The following MBP variants were observed in gnomAD, a reference collection of about 807,000 sequenced individuals.
MBP encodes Golli-MBP.
A neutral mutation model predicts 35.8 loss-of-function variants in MBP; 16 were observed. The observed-to-expected ratio is 0.45, with a 90% CI of 0.30 to 0.68. The LOEUF is 0.68. Among genes scored for constraint, MBP ranks in the 30% least tolerant of loss-of-function variants. The probability of loss-of-function intolerance (pLI) is 0.08; values close to 1 mark genes in which losing one functional copy is unlikely to be tolerated. For missense variants in MBP, 380 were observed against 404.7 expected (o/e 0.94, Z 0.52); for synonymous variants, 143 against 159.6 (o/e 0.90, Z 0.78).
rs192244149 is a variant in MBP at position 77,044,975 on chromosome 18, G to A, written c.139+21323C>T. On this transcript the variant is annotated intron_variant, in intron 3 of 8. Transcript: ENST00000355994. The surrounding 1 kb of genome is among the most constrained non-coding windows in gnomAD (Gnocchi z 4.4). ...TGTGTAAGTGTGGTGTGTGAGTGTG[G>A]AGTGTGTGAGTGTTCAAGATTCCCT... Among the ~76,000 whole-genome samples, 1 of 151,062 alleles carries A rather than the reference G, an allele frequency of 6.6e-6. No homozygotes were observed. The highest frequency in any genetic ancestry group is 2.4e-5 in the African/African-American group (1 of 41,008).
rs139226698 is a variant in MBP, at chr18:77,049,594, G to A, written c.139+16704C>T. Among the ~76,000 whole-genome samples, 375 of 152,100 alleles carry A rather than the reference G, an allele frequency of 2.5e-3. 1 individual carries two copies. Among genetic ancestry groups the A allele is most frequent in the African/African-American group, 7.4e-3 (305 of 41,488 alleles). ...GTAAGGGTCATTACATAATTCTGTC[G>A]TTCTAGATCATTCCTTTTGGTCACA... On this transcript the variant is annotated intron_variant, in intron 3 of 8. Coordinates refer to ENST00000355994, the MANE Select transcript of MBP (RefSeq NM_001025101.2).
intron 3 of MBP, among the ~76,000 whole-genome samples, chr18:77,030,130 G>A (rs1413106333): frequency 6.7e-6 from 1 of 148,210 alleles, no homozygotes; most frequent in Non-Finnish European, 1.5e-5. Flanking sequence ...CTCAGGCAAT[G>A]GTTAGGAGGC....
At chr18:76,996,561 T>C (rs1970281093) in intron 4 of MBP, among the ~76,000 whole-genome samples, 1 of 152,188 alleles carries the variant, frequency 6.6e-6, no homozygotes, top group African/African-American at 2.4e-5. Context: ...AAACTCTTGT[T>C]ACAGGCAACA....
intron 4 of MBP, chr18:77,009,983 C>A: frequency 8.2e-7 from 1 of 1,220,560 alleles, no homozygotes; most frequent in Non-Finnish European, 1.2e-6. Context: ...CCGGCAATGC[C>A]CCAAAGTCCT....
rs770334291 is a variant in MBP at position 76,989,301 on chromosome 18, C to T, written c.682-389G>A. ...CAAGGGGATGTCCCCAGGTCTGCAGCTCCTAAGTGCACTTATCGAATACGA... is the reference window on the plus strand; with the variant it reads ...CAAGGGGATGTCCCCAGGTCTGCAGTTCCTAAGTGCACTTATCGAATACGA... On this transcript the variant is annotated intron_variant, in intron 5 of 8. Transcript: ENST00000355994. This position sits in a 1 kb window ranked among gnomAD's most constrained non-coding sequence, Gnocchi z 4.0. 6.6e-6 allele frequency among the ~76,000 whole-genome samples: 1 copy of T among 152,208 alleles called. No individual in the cohort carries two copies. The highest frequency in any genetic ancestry group is 1.5e-5 in the Non-Finnish European group (1 of 68,042).
In MBP at chr18:77,067,407, G is replaced by A. The variant is rs8083865; in HGVS notation, c.52-1022C>T. Among the ~76,000 whole-genome samples the A allele has an allele frequency of 5.9e-3, 900 of 152,302 alleles. 8 individuals are homozygous for A. The highest frequency in any genetic ancestry group is 0.02 in the African/African-American group (844 of 41,570). On this transcript the variant is annotated intron_variant, in intron 2 of 8. Coordinates refer to ENST00000355994, the MANE Select transcript of MBP (RefSeq NM_001025101.2). ...AGAGGGATCCTGGAGGTGACGTCAT[G>A]TCGGCACGCACAGACTGCTTGCACA... is the stretch of plus-strand genomic sequence containing the variant.
chr18:76,986,481 G>A, intron 7 of MBP: 1 of 985,518 alleles, frequency 1.0e-6, no homozygotes, highest in Non-Finnish European at 1.2e-6. Flanking sequence ...CAAGCTACTT[G>A]CACAGTTTTC....
intron 2 of MBP, chr18:77,087,218 C>G (rs1975276328): frequency 1.3e-5 from 2 of 152,268 alleles, no homozygotes; most frequent in Non-Finnish European, 2.9e-5. Context: ...CGCCCCACCC[C>G]TCTGCCCTGC....
At chr18:77,016,809 C>T (rs1316796567) in intron 4 of MBP, 23 bp downstream of exon 4, 1 of 1,610,896 alleles carries the variant, frequency 6.2e-7, no homozygotes, top group Non-Finnish European at 8.5e-7. Context: ...TAAACTAAAA[C>T]TCCTCTACTC....
intron 4 of MBP, among the ~76,000 whole-genome samples, chr18:76,992,059 G>A (rs1297813535): frequency 5.9e-5 from 9 of 152,288 alleles, no homozygotes; most frequent in South Asian, 2.1e-4. Flanking sequence ...CCCAGACGGG[G>A]GTCTCCACAC....
At chr18:77,070,918 C>T (rs1414166451) in intron 2 of MBP, among the ~76,000 whole-genome samples, 2 of 152,208 alleles carry the variant, frequency 1.3e-5, no homozygotes, top group Non-Finnish European at 2.9e-5. Flanking sequence ...CTTGTTCCCG[C>T]GTAGCTGGAG....
chr18:77,074,266 C>T (rs1272867800), intron 2 of MBP, among the ~76,000 whole-genome samples: 1 of 151,462 alleles, frequency 6.6e-6, no homozygotes, highest in East Asian at 1.9e-4. Context: ...GGTCAGAAGA[C>T]AATGGGTTCA....
chr18:77,004,662 T>C (rs1970822714), intron 4 of MBP: 1 of 152,254 alleles, frequency 6.6e-6, no homozygotes, highest in African/African-American at 2.4e-5. Flanking sequence ...CCTCAGCTCC[T>C]TGCAGAGGAT....
chr18:77,074,912 A>G (rs1974593069), intron 2 of MBP, among the ~76,000 whole-genome samples: 1 of 152,214 alleles, frequency 6.6e-6, no homozygotes, highest in Non-Finnish European at 1.5e-5. Flanking sequence ...TACAGACAAA[A>G]GTTTTAATTT....
At chr18:77,035,046 T>C (rs140050947) in intron 3 of MBP, among the ~76,000 whole-genome samples, 1 of 152,234 alleles carries the variant, frequency 6.6e-6, no homozygotes, top group Non-Finnish European at 1.5e-5. Context: ...GGATGCAGCA[T>C]GCCCCAAGTT....
chr18:77,066,073 G>A, intron 3 of MBP: 2 of 491,484 alleles, frequency 4.1e-6, no homozygotes, highest in South Asian at 3.7e-5. Flanking sequence ...GTGTTGCCCG[G>A]GCTGGTCTTG....
intron 2 of MBP, among the ~76,000 whole-genome samples, chr18:77,080,217 A>G (rs947885005): frequency 2.6e-5 from 4 of 152,272 alleles, no homozygotes; most frequent in Non-Finnish European, 5.9e-5. Context: ...AAAAGATGCT[A>G]GTAAAACACG....
intron 1 of MBP, chr18:77,109,943 T>C (rs1201404407): frequency 6.6e-6 from 1 of 152,238 alleles, no homozygotes; most frequent in African/African-American, 2.4e-5. Flanking sequence ...CACAGTTTTT[T>C]TTTGAGTCCA....
At chr18:77,037,834 A>G (rs1055320838) in intron 3 of MBP, among the ~76,000 whole-genome samples, 1 of 152,242 alleles carries the variant, frequency 6.6e-6, no homozygotes, top group African/African-American at 2.4e-5. Context: ...ACATGCAGAA[A>G]GCAGGCGACG....
Sources: gnomAD v4.1 joint callset for allele counts (sites outside exome capture counted in the v4.1 genomes callset) on GRCh38, gnomAD v4.1.1 for gene constraint, Gnocchi (gnomAD v3.1) non-coding constraint, MANE v1.5 for transcripts, NCBI Gene and HGNC (gene_info 2026-07-23, HGNC 2026-07-21) for gene names.